The following DPP6 variants were observed in gnomAD, a reference collection of about 807,000 sequenced individuals.
The protein encoded by DPP6 is dipeptidyl peptidase like 6.
DPP6 carries 69 observed loss-of-function variants against 122.6 expected under a neutral mutation model. The ratio of observed to expected loss-of-function variants is 0.56; its 90% CI spans 0.46 to 0.69. DPP6 has a LOEUF of 0.69. Among genes scored for constraint, DPP6 ranks in the 30% least tolerant of loss-of-function variants. The pLI is 0.00. For synonymous variants in DPP6, 418 were observed against 433.1 expected (o/e 0.97, Z 0.43); for missense variants, 928 against 1,116.9 (o/e 0.83, Z 2.41).
intron 5 of DPP6, among the ~76,000 whole-genome samples, chr7:154,596,019 C>T (rs1336031446): frequency 1.3e-5 from 2 of 152,134 alleles, no homozygotes; most frequent in African/African-American, 2.4e-5. Flanking sequence ...CAAGATGTGC[C>T]GCTACACTCC....
intron 1 of DPP6, among the ~76,000 whole-genome samples, chr7:154,272,681 G>A (rs1803872209): frequency 6.6e-6 from 1 of 152,152 alleles, no homozygotes; most frequent in East Asian, 1.9e-4. Context: ...AAATGAGTGA[G>A]GCCATTAAAG....
intron 5 of DPP6, among the ~76,000 whole-genome samples, chr7:154,627,169 C>T (rs1211122782): frequency 1.1e-4 from 16 of 147,242 alleles, no homozygotes; most frequent in Non-Finnish European, 2.2e-4. Flanking sequence ...CCCACCACCA[C>T]GCCTGGCTAA....
At chr7:154,082,670 G>C (rs1804105652) in intron 1 of DPP6, among the ~76,000 whole-genome samples, 2 of 151,896 alleles carry the variant, frequency 1.3e-5, no homozygotes, top group South Asian at 4.2e-4. Flanking sequence ...TCCACTGTCA[G>C]AGGCAGCATA....
At chr7:153,837,837 AT>A in the DPP6 span, among the ~76,000 whole-genome samples, 349 of 80,628 alleles carry the variant, frequency 4.3e-3, 2 homozygotes, top group African/African-American at 0.014. Flanking sequence ...TGCCTGGTTA[AT>A]TTTTTTTTTT....
At chr7:154,277,741 G>A (rs941340280) in intron 1 of DPP6, among the ~76,000 whole-genome samples, 2 of 152,172 alleles carry the variant, frequency 1.3e-5, no homozygotes, top group Non-Finnish European at 2.9e-5. Context: ...CTCTAACTTG[G>A]GCCATAGGGT....
intron 1 of DPP6, chr7:154,305,337 C>CG: frequency 1.2e-5 from 4 of 331,188 alleles, no homozygotes; most frequent in African/African-American, 2.5e-5. Flanking sequence ...GTCTTGTCTA[C>CG]CCACCCTCCC....
At chr7:154,769,621 C>A (rs756549042) in intron 9 of DPP6, 50 bp downstream of exon 9, 2 of 1,490,776 alleles carry the variant, frequency 1.3e-6, no homozygotes, top group Non-Finnish European at 1.8e-6. Context: ...TTCATGAACA[C>A]CCCAACCCTG....
Position 154,833,157 on chromosome 7 carries a change from A to G in DPP6, c.1667-20623A>G, listed in dbSNP as rs1800762711. ...TAAGTGGAGGCATCTCACTCACGCC[A>G]TGCAAGCAGCCTGGGCTCCGATGCA... On this transcript the variant is annotated intron_variant, in intron 16 of 25. Transcript: ENST00000377770. The surrounding 1 kb of genome is among the most constrained non-coding windows in gnomAD (Gnocchi z 4.3). Among the ~76,000 whole-genome samples, 1 of 148,132 alleles carries G rather than the reference A, an allele frequency of 6.8e-6. No individual in the cohort carries two copies. The highest frequency in any genetic ancestry group is 2.6e-5 in the African/African-American group (1 of 37,818).
chr7:154,204,083 A>C (rs1316467231), intron 1 of DPP6, among the ~76,000 whole-genome samples: 1 of 152,156 alleles, frequency 6.6e-6, no homozygotes, highest in African/African-American at 2.4e-5. Context: ...GCTTCCTCTT[A>C]CGTGCATTTA....
chr7:154,663,026 CCAT>C, intron 6 of DPP6, among the ~76,000 whole-genome samples: 1 of 60,682 alleles, frequency 1.6e-5, no homozygotes, highest in Non-Finnish European at 4.3e-5. Flanking sequence ...TGGTGAATCA[CCAT>C]GGCGTGTTGG....
intron 16 of DPP6, among the ~76,000 whole-genome samples, chr7:154,808,754 C>CTTTT (rs1798852591): frequency 6.6e-6 from 1 of 152,166 alleles, no homozygotes; most frequent in African/African-American, 2.4e-5. Context: ...GGCAAGCAGA[C>CTTTT]CCACTAGGAG....
At chr7:154,207,306 T>A (rs979122907) in intron 1 of DPP6, among the ~76,000 whole-genome samples, 5 of 152,216 alleles carry the variant, frequency 3.3e-5, no homozygotes, top group African/African-American at 1.2e-4. Flanking sequence ...TTGGTGTCCA[T>A]GTAGTAAAAA....
intron 7 of DPP6, among the ~76,000 whole-genome samples, chr7:154,726,789 C>T (rs1292668729): frequency 6.6e-6 from 1 of 152,330 alleles, no homozygotes; most frequent in South Asian, 2.1e-4. Context: ...CTTTTATGCT[C>T]AGCTTCCCTT....
intron 18 of DPP6, among the ~76,000 whole-genome samples, chr7:154,870,604 TCAAAAAA>T (rs1047147651): frequency 5.3e-5 from 8 of 151,658 alleles, no homozygotes; most frequent in Non-Finnish European, 2.9e-5. Context: ...AGACTTTGTC[TCAAAAAA>T]CAAAAAACAA....
chr7:154,394,163 ATACTGTTTGCC>A (rs1310431241), intron 1 of DPP6, among the ~76,000 whole-genome samples: 1 of 152,196 alleles, frequency 6.6e-6, no homozygotes, highest in Non-Finnish European at 1.5e-5. Flanking sequence ...AGGAACCATC[ATACTGTTTGCC>A]ACAGCATCTC....
chr7:154,885,655 C>T lies in DPP6; in HGVS notation c.2156C>T (p.Thr719Ile). Reference sequence around the variant, plus strand: ...CAGGATTACGGTGGCTACCTGAGCACCTACATCCTCCCAGCAAAGGGAGAA... The same window carrying T: ...CAGGATTACGGTGGCTACCTGAGCATCTACATCCTCCCAGCAAAGGGAGAA... Reference protein sequence around the residue: ...FGKDYGGYLSTYILPAKGENQ... With the variant: ...FGKDYGGYLSIYILPAKGENQ... The change falls in exon 22 of 26, where the codon ACC (threonine) becomes ATC (isoleucine). Residue 719 changes from threonine (T) to isoleucine (I), a missense_variant. Transcript: ENST00000377770. The T allele has an allele frequency of 6.3e-7, 1 of 1,583,538 alleles. No individual in the cohort carries two copies. Among genetic ancestry groups the T allele is most frequent in the Non-Finnish European group, 8.6e-7 (1 of 1,165,058 alleles).
intron 1 of DPP6, among the ~76,000 whole-genome samples, chr7:154,219,378 C>T (rs565682442): frequency 2.6e-5 from 4 of 152,332 alleles, no homozygotes; most frequent in African/African-American, 9.6e-5. Flanking sequence ...CAACAATACA[C>T]ATCATCATGG....
At chr7:154,097,290 C>T (rs1480556065) in intron 1 of DPP6, among the ~76,000 whole-genome samples, 4 of 152,248 alleles carry the variant, frequency 2.6e-5, no homozygotes, top group African/African-American at 4.8e-5. Context: ...TGGCCCATCC[C>T]ATGAAAGAAG....
chr7:154,530,509 T>C (rs1362158383), intron 3 of DPP6, among the ~76,000 whole-genome samples: 1 of 151,892 alleles, frequency 6.6e-6, no homozygotes, highest in East Asian at 1.9e-4. Context: ...GTTGGCAAGG[T>C]TGCAGAGAAA....
Sources: gnomAD v4.1 joint callset for allele counts (sites outside exome capture counted in the v4.1 genomes callset) on GRCh38, gnomAD v4.1.1 for gene constraint, Gnocchi (gnomAD v3.1) non-coding constraint, MANE v1.5 for transcripts, NCBI Gene and HGNC (gene_info 2026-07-23, HGNC 2026-07-21) for gene names.